MVB12B: variants seen among roughly 807,000 people sequenced by gnomAD.
MVB12B encodes ESCRT-I complex subunit MVB12B.
In MVB12B, 16 loss-of-function variants were observed where a neutral mutation model predicts 41.6. That is an observed-to-expected ratio of 0.38 (90% CI 0.26 to 0.58). MVB12B has a LOEUF of 0.58. Ranked by LOEUF, MVB12B falls within the 20% of genes least tolerant of loss-of-function variation. MVB12B has a pLI of 0.62. For synonymous variants in MVB12B, 133 were observed against 139.7 expected (o/e 0.95, Z 0.34); for missense variants, 274 against 380.2 (o/e 0.72, Z 2.32).
intron 7 of MVB12B, among the ~76,000 whole-genome samples, chr9:126,440,125 A>C (rs572621261): frequency 2.9e-4 from 44 of 152,280 alleles, no homozygotes; most frequent in African/African-American, 1.0e-3. Context: ...CAGACACTCG[A>C]GGGTCAGCGC....
intron 7 of MVB12B, among the ~76,000 whole-genome samples, chr9:126,448,625 A>G (rs10760435): frequency 0.89 from 134,752 of 152,206 alleles, 59,751 homozygotes; most frequent in East Asian, 1. Context: ...GGAAGCTTCC[A>G]ATCATGGTGG....
intron 6 of MVB12B, among the ~76,000 whole-genome samples, chr9:126,416,041 A>T (rs1831813333): frequency 2.6e-5 from 4 of 152,142 alleles, no homozygotes; most frequent in African/African-American, 9.7e-5. Flanking sequence ...GGTGGACAAG[A>T]TGTGGTCAGA....
At chr9:126,375,886 C>CGTTAT (rs1477985985) in intron 2 of MVB12B, among the ~76,000 whole-genome samples, 2 of 152,080 alleles carry the variant, frequency 1.3e-5, no homozygotes, top group Non-Finnish European at 2.9e-5. Flanking sequence ...GTATGTGACC[C>CGTTAT]GTTATTTTTC....
chr9:126,455,583 C>G (rs1446840790), intron 7 of MVB12B, among the ~76,000 whole-genome samples: 3 of 152,176 alleles, frequency 2.0e-5, no homozygotes, highest in Non-Finnish European at 4.4e-5. Flanking sequence ...TTCCCAGGCT[C>G]AGGTGATCCT....
chr9:126,364,370 A>G (rs1830105782), intron 2 of MVB12B, among the ~76,000 whole-genome samples: 1 of 151,970 alleles, frequency 6.6e-6, no homozygotes, highest in African/African-American at 2.4e-5. Flanking sequence ...CCTTGTCTTG[A>G]TGGGTCTCTT....
At chr9:126,499,265 C>G (rs936781104) in intron 9 of MVB12B, among the ~76,000 whole-genome samples, 1 of 151,998 alleles carries the variant, frequency 6.6e-6, no homozygotes, top group Non-Finnish European at 1.5e-5. Context: ...GGCAGAGCCT[C>G]CAGGACCCCT....
At chr9:126,406,311 C>A (rs910016352) in intron 6 of MVB12B, among the ~76,000 whole-genome samples, 1 of 152,220 alleles carries the variant, frequency 6.6e-6, no homozygotes, top group East Asian at 1.9e-4. Context: ...CACATTCCAC[C>A]TCCTCTTCAG....
At chr9:126,447,303 T>A (rs1244570083) in intron 7 of MVB12B, among the ~76,000 whole-genome samples, 1 of 151,556 alleles carries the variant, frequency 6.6e-6, no homozygotes, top group Admixed American at 6.6e-5. Context: ...TAGCTTCCCT[T>A]GAGTGGTTCC....
intron 2 of MVB12B, among the ~76,000 whole-genome samples, chr9:126,372,042 C>A (rs368088345): frequency 1.1e-4 from 17 of 152,330 alleles, no homozygotes; most frequent in African/African-American, 3.8e-4. Context: ...TCCATCAACT[C>A]TTCCTGCCCC....
At chr9:126,435,838 T>A (rs1832463113) in intron 7 of MVB12B, among the ~76,000 whole-genome samples, 2 of 152,156 alleles carry the variant, frequency 1.3e-5, no homozygotes, top group South Asian at 4.1e-4. Flanking sequence ...TTAGACAACA[T>A]CCTCAGATGT....
intron 7 of MVB12B, among the ~76,000 whole-genome samples, chr9:126,444,755 T>G (rs1832724154): frequency 6.6e-6 from 1 of 152,236 alleles, no homozygotes; most frequent in Non-Finnish European, 1.5e-5. Flanking sequence ...TGCTGTGATT[T>G]GTTTTGATGT....
intron 1 of MVB12B, among the ~76,000 whole-genome samples, chr9:126,335,954 C>T (rs73593661): frequency 5.3e-5 from 8 of 152,368 alleles, no homozygotes; most frequent in African/African-American, 1.9e-4. Flanking sequence ...GTATGCCAGT[C>T]ATGCCTTCAG....
chr9:126,397,371 C>T, intron 6 of MVB12B: 3 of 985,446 alleles, frequency 3.0e-6, no homozygotes, highest in South Asian at 4.7e-5. Context: ...CACCGAGCCA[C>T]CGGCAGCCTG....
intron 2 of MVB12B, among the ~76,000 whole-genome samples, chr9:126,344,876 T>C (rs1829546972): frequency 6.6e-6 from 1 of 152,136 alleles, no homozygotes; most frequent in South Asian, 2.1e-4. Flanking sequence ...ATCCTTTAAT[T>C]GGGAACCCAC....
intron 2 of MVB12B, among the ~76,000 whole-genome samples, chr9:126,364,222 C>T (rs1157772884): frequency 6.6e-6 from 1 of 152,208 alleles, no homozygotes; most frequent in Non-Finnish European, 1.5e-5. Context: ...TAATAGAGTA[C>T]ATAAGAAGAG....
chr9:126,461,534 TATC>T (rs1333201870), intron 7 of MVB12B, among the ~76,000 whole-genome samples: 1 of 152,220 alleles, frequency 6.6e-6, no homozygotes. Context: ...TAGCTCCTAA[TATC>T]ATTTCACATT....
chr9:126,466,513 G>A (rs1014107359), intron 7 of MVB12B, among the ~76,000 whole-genome samples: 1 of 152,248 alleles, frequency 6.6e-6, no homozygotes, highest in East Asian at 1.9e-4. Flanking sequence ...GCACACATAC[G>A]CGGATAGTGT....
At chr9:126,427,427 A>T (rs1457625931) in intron 7 of MVB12B, among the ~76,000 whole-genome samples, 1 of 152,048 alleles carries the variant, frequency 6.6e-6, no homozygotes, top group Non-Finnish European at 1.5e-5. Context: ...CTATAAGGAG[A>T]GGGGCCACCA....
At chr9:126,354,395 G>A (rs561433531) in intron 2 of MVB12B, among the ~76,000 whole-genome samples, 1 of 152,014 alleles carries the variant, frequency 6.6e-6, no homozygotes, top group Non-Finnish European at 1.5e-5. Context: ...GTTATGATTT[G>A]TTTGGTCTTA....
Sources: allele counts gnomAD v4.1 joint callset (sites outside exome capture counted in the v4.1 genomes callset), GRCh38; gene constraint gnomAD v4.1.1; transcripts MANE v1.5; gene names NCBI Gene and HGNC (gene_info 2026-07-23, HGNC 2026-07-21).